SDK1: variants seen among roughly 807,000 people sequenced by gnomAD.
The protein encoded by SDK1 is sidekick cell adhesion molecule 1, also known as protein sidekick-1.
In SDK1, 157 loss-of-function variants were observed where a neutral mutation model predicts 245.5. That is an observed-to-expected ratio of 0.64 (90% CI 0.56 to 0.73). The LOEUF (loss-of-function observed/expected upper bound fraction) is 0.73. Ranked by LOEUF, SDK1 falls within the 30% of genes least tolerant of loss-of-function variation. The pLI is 0.00. For synonymous variants in SDK1, 1,647 were observed against 1,278.5 expected, an observed-to-expected ratio of 1.29 and a Z score of -6.15; for missense variants, 3,583 against 3,002.3, an observed-to-expected ratio of 1.19 and a Z score of -4.52.
At chr7:3,431,381 T>TTTTA (rs1244835106) in intron 1 of SDK1, among the ~76,000 whole-genome samples, 4 of 148,196 alleles carry the variant, frequency 2.7e-5, no homozygotes, top group African/African-American at 1.0e-4. Flanking sequence ...TTTTTTTTTT[T>TTTTA]AAAGCAAATT....
intron 4 of SDK1, among the ~76,000 whole-genome samples, chr7:3,705,547 C>G (rs1784862814): frequency 3.4e-5 from 5 of 147,918 alleles, no homozygotes. Context: ...TGATTTGAGT[C>G]TCAGTTTGGT....
chr7:3,821,174 T>C (rs950388810), intron 4 of SDK1, among the ~76,000 whole-genome samples: 1 of 152,224 alleles, frequency 6.6e-6, no homozygotes, highest in Admixed American at 6.5e-5. Context: ...TGGATGTCTA[T>C]GTTCCAGAAC....
At chr7:3,740,028 C>G (rs1000170214) in intron 4 of SDK1, among the ~76,000 whole-genome samples, 2 of 152,166 alleles carry the variant, frequency 1.3e-5, no homozygotes, top group African/African-American at 2.4e-5. Context: ...AAGTGGTCAT[C>G]TAATAACTGG....
At chr7:3,357,143 C>A (rs1244800471) in intron 1 of SDK1, among the ~76,000 whole-genome samples, 1 of 150,520 alleles carries the variant, frequency 6.6e-6, no homozygotes, top group East Asian at 1.9e-4. Flanking sequence ...TGCTTGACCA[C>A]ATTAATTTCT....
intron 5 of SDK1, among the ~76,000 whole-genome samples, chr7:3,837,202 T>C (rs533073575): frequency 6.6e-6 from 1 of 152,350 alleles, no homozygotes; most frequent in African/African-American, 2.4e-5. Flanking sequence ...GCATTTTCTT[T>C]CCTAAAGTAC....
chr7:4,069,117 G>A (rs1000742155), intron 20 of SDK1, among the ~76,000 whole-genome samples: 1 of 152,170 alleles, frequency 6.6e-6, no homozygotes, highest in Admixed American at 6.5e-5. Context: ...AGCAACATAG[G>A]CTCTAGCCTC....
intron 8 of SDK1, among the ~76,000 whole-genome samples, chr7:3,961,526 C>G (rs1288736149): frequency 6.6e-6 from 1 of 152,180 alleles, no homozygotes; most frequent in East Asian, 1.9e-4. Context: ...AACTGAGGTA[C>G]AGAACCATCT....
At chr7:3,324,062 T>C (rs1419507364) in intron 1 of SDK1, among the ~76,000 whole-genome samples, 1 of 120,916 alleles carries the variant, frequency 8.3e-6, no homozygotes, top group Non-Finnish European at 1.8e-5. Flanking sequence ...TGAGTGTAAA[T>C]GGGCTGTTGG....
At chr7:3,788,715 G>T (rs1308431652) in intron 4 of SDK1, among the ~76,000 whole-genome samples, 3 of 152,188 alleles carry the variant, frequency 2.0e-5, no homozygotes, top group Non-Finnish European at 4.4e-5. Context: ...TTTGTGTTGG[G>T]CTGTGTTCAA....
chr7:3,519,624 G>A (rs1020272103), intron 1 of SDK1, among the ~76,000 whole-genome samples: 2 of 152,074 alleles, frequency 1.3e-5, no homozygotes, highest in Admixed American at 1.3e-4. Flanking sequence ...AAGAAATTGA[G>A]GCAGAGAAGA....
chr7:3,303,009 C>T (rs892376786), intron 1 of SDK1, among the ~76,000 whole-genome samples: 2 of 151,870 alleles, frequency 1.3e-5, no homozygotes, highest in African/African-American at 4.8e-5. Flanking sequence ...TAACAACGAA[C>T]TCATACTTTT....
intron 4 of SDK1, among the ~76,000 whole-genome samples, chr7:3,677,221 C>G (rs761887873): frequency 2.0e-5 from 3 of 151,980 alleles, no homozygotes; most frequent in Non-Finnish European, 4.4e-5. Flanking sequence ...TGTGTGTGTG[C>G]ATGTAGGTGT....
intron 4 of SDK1, among the ~76,000 whole-genome samples, chr7:3,738,067 T>A (rs1439381477): frequency 1.3e-5 from 2 of 152,256 alleles, no homozygotes; most frequent in Non-Finnish European, 2.9e-5. Flanking sequence ...CCTCCTCTTC[T>A]GCCGTCTTTC....
In SDK1 at chr7:4,127,468, A is replaced by C. The variant is rs779775618; in HGVS notation, c.3911A>C (p.Asp1304Ala). 1 of 1,613,958 alleles carries C rather than the reference A, an allele frequency of 6.2e-7. No individual in the cohort carries two copies. Among genetic ancestry groups the C allele is most frequent in the Non-Finnish European group, 8.5e-7 (1 of 1,179,936 alleles). ...LLTWTSVPEQ[D>A]QNGLILGYKI... ...ACATGGACATCCGTGCCGGAACAGG[A>C]CCAGAATGGGCTCATACTGGGCTAC... Residue 1304 changes from aspartate (D) to alanine (A), a missense_variant, in exon 26 of 45, where the codon GAC becomes GCC. By Grantham distance (126) the Asp-to-Ala change is moderately radical (BLOSUM62 -2). Coordinates refer to ENST00000404826, the MANE Select transcript of SDK1 (RefSeq NM_152744.4).
intron 17 of SDK1, among the ~76,000 whole-genome samples, chr7:4,047,640 G>A (rs757263063): frequency 3.9e-5 from 6 of 152,250 alleles, no homozygotes; most frequent in South Asian, 2.1e-4. Flanking sequence ...TTCAGCCTTC[G>A]GCCATTCATT....
intron 32 of SDK1, among the ~76,000 whole-genome samples, chr7:4,166,033 C>T (rs535171352): frequency 6.6e-6 from 1 of 152,276 alleles, no homozygotes; most frequent in South Asian, 2.1e-4. Flanking sequence ...AAGCGATCCT[C>T]CTTCCTTGAC....
chr7:3,306,716 T>A (rs1779425312), intron 1 of SDK1, among the ~76,000 whole-genome samples: 1 of 152,194 alleles, frequency 6.6e-6, no homozygotes, highest in African/African-American at 2.4e-5. Context: ...CAGTTGCCTT[T>A]ATGTTATTTC....
intron 1 of SDK1, among the ~76,000 whole-genome samples, chr7:3,501,296 A>T (rs551588486): frequency 6.6e-6 from 1 of 151,784 alleles, no homozygotes; most frequent in Non-Finnish European, 1.5e-5. Context: ...CTGCTTGGCT[A>T]TTAACTGTTT....
intron 4 of SDK1, among the ~76,000 whole-genome samples, chr7:3,700,287 G>A (rs1784704150): frequency 6.6e-6 from 1 of 152,128 alleles, no homozygotes; most frequent in African/African-American, 2.4e-5. Context: ...AACAGAAAAA[G>A]CAGAAATATA....
Sources: gnomAD v4.1 joint callset for allele counts (sites outside exome capture counted in the v4.1 genomes callset) on GRCh38, gnomAD v4.1.1 for gene constraint, MANE v1.5 for transcripts, NCBI Gene and HGNC (gene_info 2026-07-23, HGNC 2026-07-21) for gene names.